Variants in USP28 observed in about 807,000 individuals in gnomAD.
USP28 encodes the protein ubiquitin specific peptidase 28.
In USP28, 113 loss-of-function variants were observed where a neutral mutation model predicts 145.0. The observed-to-expected ratio is 0.78, with a 90% confidence interval of 0.67 to 0.91. The LOEUF (loss-of-function observed/expected upper bound fraction) is 0.91, where lower values mean the gene tolerates loss of function less well. Ranked by LOEUF, USP28 falls within the 40% of genes least tolerant of loss-of-function variation. USP28 has a pLI of 0.00. For synonymous variants in USP28, 447 were observed against 450.9 expected (o/e 0.99, Z 0.11); for missense variants, 1,201 against 1,289.6 (o/e 0.93, Z 1.05).
intron 10 of USP28, 91 bp downstream of exon 10, chr11:113,829,106 T>C: frequency 6.5e-7 from 1 of 1,541,430 alleles, no homozygotes; most frequent in Non-Finnish European, 8.8e-7. Context: ...TAAAGTTACT[T>C]AATATGTGAT....
At chr11:113,799,211 AC>A (rs1349886723) in exon 25 of USP28, 1 of 1,595,208 alleles carries the variant, frequency 6.3e-7, no homozygotes, top group Non-Finnish European at 8.5e-7. Context: ...GCAGCCAGGA[AC>A]CAGAATGGGC....
At chr11:113,867,742 G>GA (rs1468287586) in intron 1 of USP28, among the ~76,000 whole-genome samples, 2 of 122,512 alleles carry the variant, frequency 1.6e-5, no homozygotes, top group African/African-American at 3.1e-5. Flanking sequence ...CCAACTCTAT[G>GA]AAAAAACAAA....
chr11:113,833,132 A>G (rs1374166039), intron 7 of USP28, among the ~76,000 whole-genome samples: 2 of 151,966 alleles, frequency 1.3e-5, no homozygotes, highest in Non-Finnish European at 2.9e-5. Context: ...GTATTTTCCA[A>G]TCTCCTCCTT....
intron 14 of USP28, among the ~76,000 whole-genome samples, chr11:113,814,406 C>A (rs1941415903): frequency 6.6e-6 from 1 of 152,132 alleles, no homozygotes; most frequent in African/African-American, 2.4e-5. Context: ...GCAATATGGG[C>A]AATGAGGTCA....
chr11:113,812,143 C>T (rs1033791586), intron 16 of USP28, 133 bp downstream of exon 16: 1 of 604,126 alleles, frequency 1.7e-6, no homozygotes, highest in South Asian at 3.1e-5. Flanking sequence ...TCCTTTTATA[C>T]TGTCTATATT....
At chr11:113,866,670 A>G (rs1948278901) in intron 1 of USP28, among the ~76,000 whole-genome samples, 1 of 152,240 alleles carries the variant, frequency 6.6e-6, no homozygotes, top group Non-Finnish European at 1.5e-5. Context: ...GAAAAGAGAA[A>G]AACTAGAACC....
chr11:113,830,915 T>A, exon 9 of USP28: 1 of 1,614,066 alleles, frequency 6.2e-7, no homozygotes, highest in Non-Finnish European at 8.5e-7. Flanking sequence ...AGCTGCACCA[T>A]TGGATTTTCA....
At chr11:113,802,232 T>C (rs1939165303) in intron 23 of USP28, among the ~76,000 whole-genome samples, 1 of 152,204 alleles carries the variant, frequency 6.6e-6, no homozygotes, top group Non-Finnish European at 1.5e-5. Flanking sequence ...TATTTGGTGA[T>C]TTAAAATATA....
chr11:113,816,143 T>C (rs1431685152), intron 13 of USP28, among the ~76,000 whole-genome samples: 1 of 152,142 alleles, frequency 6.6e-6, no homozygotes, highest in African/African-American at 2.4e-5. Context: ...GAATATAAAA[T>C]AAGCTTCTAA....
intron 1 of USP28, among the ~76,000 whole-genome samples, chr11:113,866,534 TA>T (rs1447778764): frequency 2.6e-5 from 4 of 152,220 alleles, no homozygotes; most frequent in African/African-American, 9.6e-5. Flanking sequence ...TCAATAAGTT[TA>T]TGAAGACACT....
At position 113,858,173 on chromosome 11, in the gene USP28, CT is replaced by C. The variant is rs931955530; in HGVS notation, c.58-3839del. 5.3e-5 allele frequency among the ~76,000 whole-genome samples: 8 copies of C among 152,052 alleles called. 1 individual carries two copies. The highest frequency in any genetic ancestry group is 1.0e-4 in the Non-Finnish European group (7 of 68,012). On this transcript the variant is annotated intron_variant, in intron 1 of 24. Coordinates refer to ENST00000003302, the Ensembl canonical transcript of USP28. ...GAGCCACTGCACCTGGCCTAGTGACCTTTTTTTAAAGGCTACTGGGTAGAGA... is the reference window on the plus strand; with the variant it reads ...GAGCCACTGCACCTGGCCTAGTGACCTTTTTTAAAGGCTACTGGGTAGAGA...
intron 3 of USP28, among the ~76,000 whole-genome samples, chr11:113,851,655 G>A (rs1353986642): frequency 1.3e-5 from 2 of 152,092 alleles, no homozygotes; most frequent in African/African-American, 4.8e-5. Context: ...AATTAGCCAG[G>A]CGTAGTGGTG....
chr11:113,831,705 A>G (rs1487072783), intron 8 of USP28, among the ~76,000 whole-genome samples: 1 of 152,132 alleles, frequency 6.6e-6, no homozygotes, highest in Non-Finnish European at 1.5e-5. Context: ...TTAGTTAGAA[A>G]AAAAAAAAAG....
intron 4 of USP28, among the ~76,000 whole-genome samples, chr11:113,841,417 C>T (rs1031296160): frequency 1.3e-5 from 2 of 152,162 alleles, no homozygotes; most frequent in Admixed American, 6.5e-5. Context: ...TTAATTCACC[C>T]TAGCAATTGT....
chr11:113,846,045 C>T (rs1945809913), intron 3 of USP28, among the ~76,000 whole-genome samples: 1 of 152,154 alleles, frequency 6.6e-6, no homozygotes, highest in Non-Finnish European at 1.5e-5. Context: ...AAATTTGAGG[C>T]ATACTGTAAC....
At chr11:113,850,201 A>G (rs1946306971) in intron 3 of USP28, among the ~76,000 whole-genome samples, 1 of 152,170 alleles carries the variant, frequency 6.6e-6, no homozygotes, top group African/African-American at 2.4e-5. Context: ...GACTGTCATT[A>G]CCTATAAAGT....
At chr11:113,858,340 C>T (rs553693755) in intron 1 of USP28, among the ~76,000 whole-genome samples, 16 of 152,306 alleles carry the variant, frequency 1.1e-4, no homozygotes, top group Non-Finnish European at 8.8e-5. Flanking sequence ...CCTCTCAGTT[C>T]CTTACTGCAA....
chr11:113,810,276 T>C (rs566201179), intron 16 of USP28, among the ~76,000 whole-genome samples: 1 of 152,270 alleles, frequency 6.6e-6, no homozygotes, highest in African/African-American at 2.4e-5. Flanking sequence ...AGAAAGCAAT[T>C]TGATACAATG....
intron 1 of USP28, among the ~76,000 whole-genome samples, chr11:113,866,960 A>G (rs560701386): frequency 1.1e-3 from 143 of 126,580 alleles, no homozygotes; most frequent in Middle Eastern, 3.8e-3. Context: ...TTACTCAGTG[A>G]TTAAAATGAA....
Sources: allele counts gnomAD v4.1 joint callset (sites outside exome capture counted in the v4.1 genomes callset), GRCh38; gene constraint gnomAD v4.1.1; transcripts MANE v1.5; gene names NCBI Gene and HGNC (gene_info 2026-07-23, HGNC 2026-07-21).